Variants in UNC45B observed in about 807,000 individuals in gnomAD.
UNC45B encodes the protein unc-45 myosin chaperone B, also known as protein unc-45 homolog B.
UNC45B carries 78 observed loss-of-function variants against 98.7 expected under a neutral mutation model. The ratio of observed to expected loss-of-function variants is 0.79; its 90% confidence interval spans 0.66 to 0.95. UNC45B has a LOEUF of 0.95. UNC45B is among the 40% of genes least tolerant of loss of function. UNC45B has a pLI of 0.00. For missense variants in UNC45B, 1,225 were observed against 1,184.9 expected, an observed-to-expected ratio of 1.03 and a Z score of -0.50; for synonymous variants, 462 against 480.4, an observed-to-expected ratio of 0.96 and a Z score of 0.50.
At position 35,159,489 on chromosome 17, in the gene UNC45B, C is replaced by A. The variant is rs2092087347; in HGVS notation, c.923C>A (p.Pro308His). 6.2e-7 allele frequency: 1 copy of A among 1,613,972 alleles called. No individual in the cohort carries two copies. The highest frequency in any genetic ancestry group is 8.5e-7 in the Non-Finnish European group (1 of 1,180,016). Residue 308 changes from proline to histidine, a missense_variant, in exon 8 of 20, where the codon CCC (proline) becomes CAC (histidine). Pro to His is a moderately conservative substitution (Grantham distance 77). Transcript: ENST00000394570. Reference protein sequence around the residue: ...QALNLLNKNVPRKDLAIHDNS... With the variant: ...QALNLLNKNVHRKDLAIHDNS... The stretch of plus-strand genomic sequence containing the variant: ...CTGAACCTGCTCAATAAGAATGTTC[C>A]CAGGAAGGACCTTGCCATTCATGAC...
intron 14 of UNC45B, 24 bp downstream of exon 14, chr17:35,174,393 T>C (rs1025622889): frequency 5.0e-6 from 8 of 1,613,670 alleles, no homozygotes; most frequent in Non-Finnish European, 6.8e-6. Flanking sequence ...GGGCCAAGGC[T>C]TGGAACTAGG....
At position 35,172,031 on chromosome 17, in the gene UNC45B, C is replaced by T. The variant is rs1159023774; in HGVS notation, c.1830+569C>T. On this transcript the variant is annotated intron_variant, in intron 13 of 19. Transcript: ENST00000394570. ...AAAGTAATATAATCATGCTGCAAAACGAGTTAAAATGTGGGGAAAAGAAAA... is the reference window on the plus strand; with the variant it reads ...AAAGTAATATAATCATGCTGCAAAATGAGTTAAAATGTGGGGAAAAGAAAA... Among the ~76,000 whole-genome samples the T allele has an allele frequency of 2.6e-5, 4 of 152,072 alleles. No individual in the cohort carries two copies. The South Asian group carries it at 8.3e-4, about 32-fold the overall frequency.
Position 35,170,270 on chromosome 17 carries a change from G to T in UNC45B, c.1689+15G>T. On this transcript the variant is annotated intron_variant, in intron 12 of 19. Coordinates refer to ENST00000394570, the MANE Select transcript of UNC45B (RefSeq NM_001267052.2). ...AGCTGGCCAAGGCAGGTGTCGGGGA[G>T]TCTGGCCCGACCACAAACCTCAGGA... The T allele has an allele frequency of 6.3e-7, 1 of 1,591,656 alleles. No individual in the cohort carries two copies.
At chr17:35,153,824 T>G (rs1473840058) in intron 5 of UNC45B, among the ~76,000 whole-genome samples, 5 of 152,062 alleles carry the variant, frequency 3.3e-5, no homozygotes, top group Non-Finnish European at 7.4e-5. Flanking sequence ...CAACATCTCT[T>G]TGCCCACCTC....
chr17:35,182,236 C>T lies in UNC45B; in HGVS notation c.2374-1191C>T, dbSNP rs8068235. Among the ~76,000 whole-genome samples, 1,008 of 152,090 alleles carry T rather than the reference C, an allele frequency of 6.6e-3. 12 individuals carry two copies. The highest frequency in any genetic ancestry group is 0.023 in the African/African-American group (964 of 41,498). On this transcript the variant is annotated intron_variant, in intron 18 of 19. Transcript: ENST00000394570. ...TCCCGAGTAACTGGGACTACAGGCG[C>T]GTGCCACCACCCCTGGCTAATCTTT...
intron 9 of UNC45B, among the ~76,000 whole-genome samples, chr17:35,167,772 T>G (rs1008428581): frequency 2.6e-5 from 4 of 152,166 alleles, no homozygotes; most frequent in African/African-American, 9.7e-5. Flanking sequence ...AAGAGCTCTC[T>G]CTAATAAACT....
intron 4 of UNC45B, among the ~76,000 whole-genome samples, chr17:35,150,686 T>G (rs867525124): frequency 1.4e-4 from 21 of 151,364 alleles, no homozygotes; most frequent in Non-Finnish European, 1.3e-4. Flanking sequence ...GAGGTGGAGG[T>G]TGCAGTGAGC....
Position 35,168,267 on chromosome 17 carries a change from G to A in UNC45B, c.1358G>A (p.Ser453Asn). 6.5e-7 allele frequency: 1 copy of A among 1,547,898 alleles called. No homozygotes were observed. The highest frequency in any genetic ancestry group is 8.7e-7 in the Non-Finnish European group (1 of 1,147,100). Residue 453 changes from serine (S) to asparagine (N), a missense_variant, in exon 10 of 20, where the codon AGC becomes AAC. By Grantham distance (46) the Ser-to-Asn change is conservative. Transcript: ENST00000394570. ...CTCATCCATGCCTCCACGAAGCTCA[G>A]CCGCGCCACCTTCATCATCACCAAT... The part of the protein sequence containing the change: ...EALIHASTKL[S>N]RATFIITNGV...
intron 19 of UNC45B, among the ~76,000 whole-genome samples, chr17:35,184,861 G>T (rs918152375): frequency 1.3e-5 from 2 of 152,126 alleles, no homozygotes; most frequent in Non-Finnish European, 2.9e-5. Context: ...CTCATCTTTT[G>T]TGCCACCCCA....
At chr17:35,185,336 C>A (rs952840727) in intron 19 of UNC45B, among the ~76,000 whole-genome samples, 1 of 151,254 alleles carries the variant, frequency 6.6e-6, no homozygotes, top group Admixed American at 6.6e-5. Context: ...GAGACACAGT[C>A]TTGCTCTTTT....
chr17:35,161,298 T>C (rs1476453937), intron 8 of UNC45B, among the ~76,000 whole-genome samples: 1 of 152,160 alleles, frequency 6.6e-6, no homozygotes, highest in African/African-American at 2.4e-5. Flanking sequence ...AGCTGCAATG[T>C]TGAGGTGTTA....
At chr17:35,158,612 C>T (rs1047970330) in intron 7 of UNC45B, among the ~76,000 whole-genome samples, 1 of 152,166 alleles carries the variant, frequency 6.6e-6, no homozygotes, top group African/African-American at 2.4e-5. Context: ...CACTCTATCC[C>T]CTTGTAGCTT....
At chr17:35,164,347 C>A (rs923557867) in intron 9 of UNC45B, 181 bp downstream of exon 9, 2 of 618,430 alleles carry the variant, frequency 3.2e-6, no homozygotes, top group South Asian at 2.8e-5. Flanking sequence ...AAGTTACAGT[C>A]ATATGCTGGC....
At chr17:35,149,994 G>C in intron 3 of UNC45B, 54 bp from the exon 4 acceptor site, 1 of 1,504,608 alleles carries the variant, frequency 6.6e-7, no homozygotes, top group Non-Finnish European at 8.9e-7. Context: ...CAGTGGGGCT[G>C]GTGGTCTGTA....
intron 10 of UNC45B, among the ~76,000 whole-genome samples, chr17:35,169,615 A>AT (rs2092167981): frequency 6.6e-6 from 1 of 152,234 alleles, no homozygotes; most frequent in African/African-American, 2.4e-5. Context: ...CAGGTCAAGA[A>AT]TTTGCAACTT....
At chr17:35,158,500 A>G (rs1254942834) in intron 7 of UNC45B, among the ~76,000 whole-genome samples, 1 of 152,262 alleles carries the variant, frequency 6.6e-6, no homozygotes, top group African/African-American at 2.4e-5. Context: ...AAGAGCATTT[A>G]TAATGAGTGT....
intron 10 of UNC45B, 42 bp downstream of exon 10, chr17:35,168,403 C>T (rs1212551145): frequency 1.5e-6 from 2 of 1,306,324 alleles, no homozygotes; most frequent in Non-Finnish European, 9.8e-7. Flanking sequence ...GTACAAGGTG[C>T]CATGCCAGGC....
chr17:35,170,033 T>C (rs2092172078), intron 11 of UNC45B, 81 bp from the exon 12 acceptor site: 4 of 1,603,178 alleles, frequency 2.5e-6, no homozygotes, highest in African/African-American at 2.7e-5. Context: ...ACCTCACCCC[T>C]GGTTCACCAC....
chr17:35,168,077 CA>C lies in UNC45B; in HGVS notation c.1169del (p.Gln390ArgfsTer7). ...EEYITGKFDP[Q>X]DMDKNLNAIQ... is the part of the protein sequence containing the mutation. The stretch of plus-strand genomic sequence containing the variant: ...TTGTTTTAGGGGCAAGTTTGACCCC[CA>C]GGACATGGACAAGAACTTGAATGCC... On this transcript the variant is annotated frameshift_variant, in exon 10 of 20. Coordinates refer to ENST00000394570, the MANE Select transcript of UNC45B (RefSeq NM_001267052.2). LOFTEE classifies it high-confidence loss of function. 1 of 1,544,192 alleles carries C rather than the reference CA, an allele frequency of 6.5e-7. No individual in the cohort carries two copies.
Sources: gnomAD v4.1 joint callset for allele counts (sites outside exome capture counted in the v4.1 genomes callset) on GRCh38, gnomAD v4.1.1 for gene constraint, MANE v1.5 for transcripts, NCBI Gene and HGNC (gene_info 2026-07-23, HGNC 2026-07-21) for gene names.